MYH13: variants seen among roughly 807,000 people sequenced by gnomAD.
MYH13 encodes myosin heavy chain 13, also known as myosin-13.
A neutral mutation model predicts 232.1 loss-of-function variants in MYH13; 177 were observed. The ratio of observed to expected loss-of-function variants is 0.76; its 90% confidence interval spans 0.67 to 0.86. The LOEUF is 0.86. Among genes scored for constraint, MYH13 ranks in the 40% least tolerant of loss-of-function variants. MYH13 has a pLI of 0.00. For missense variants in MYH13, 2,246 were observed against 2,405.9 expected (o/e 0.93, Z 1.39); for synonymous variants, 884 against 923.5 (o/e 0.96, Z 0.78).
chr17:10,336,822 T>C (rs1013724341), intron 18 of MYH13, among the ~76,000 whole-genome samples: 4 of 152,156 alleles, frequency 2.6e-5, no homozygotes, highest in African/African-American at 9.7e-5. Context: ...CTCGAGGCTC[T>C]GGCCTGTGAT....
At chr17:10,316,127 AAAAAT>A in intron 27 of MYH13, 102 bp from the exon 28 acceptor site, 1 of 1,408,688 alleles carries the variant, frequency 7.1e-7, no homozygotes, top group East Asian at 2.4e-5. Context: ...CAGGTAAAAT[AAAAAT>A]AAAAGTACAG....
Position 10,303,268 on chromosome 17 carries a change from G to A in MYH13, c.5595C>T (p.Ile1865=), listed in dbSNP as rs1356069263. 2 of 1,613,774 alleles carry A rather than the reference G, an allele frequency of 1.2e-6. No individual in the cohort carries two copies. Among genetic ancestry groups the A allele is most frequent in the Non-Finnish European group, 8.5e-7 (1 of 1,179,826 alleles). ...TGTCCACCAGGTCCTGGAGCCTAAG[G>A]ATATTCTTGTGGTCCTCCTCAGCCT... is the stretch of plus-strand genomic sequence containing the variant. ...TYQAEEDHKN[I]LRLQDLVDKL... Residue 1865 remains isoleucine, a synonymous_variant, in exon 39 of 41, where the codon ATC becomes ATT. Transcript: ENST00000252172.
In MYH13 at chr17:10,320,446, C is replaced by G. The variant is rs376532213; in HGVS notation, c.3162G>C (p.Arg1054Ser). ...QEKKLRADLE[R>S]AKRKLEGDLK... The stretch of plus-strand genomic sequence containing the variant: ...GATCTCCTTCCAGCTTCCTCTTCGC[C>G]CTTTCCAAGTCCGCCCGCAGTTTCT... Residue 1054 changes from arginine to serine, a missense_variant, in exon 25 of 41, where the codon AGG becomes AGC. Arg to Ser is a moderately radical substitution (Grantham distance 110). Coordinates refer to ENST00000252172, the MANE Select transcript of MYH13 (RefSeq NM_003802.3). The G allele has an allele frequency of 2.9e-5, 47 of 1,613,468 alleles. No homozygotes were observed. The highest frequency in any genetic ancestry group is 3.4e-5 in the Non-Finnish European group (40 of 1,179,772).
intron 22 of MYH13, 95 bp downstream of exon 22, chr17:10,327,769 GTC>G: frequency 1.4e-6 from 2 of 1,475,770 alleles, no homozygotes; most frequent in Non-Finnish European, 9.2e-7. Context: ...TGGCACCACT[GTC>G]TCTCGAATAG....
rs1245928240 is a variant in MYH13, at chr17:10,346,722, C to T, written c.1221G>A (p.Lys407=). 2.5e-6 allele frequency: 4 copies of T among 1,613,984 alleles called. No homozygotes were observed. Among genetic ancestry groups the T allele is most frequent in the Non-Finnish European group, 3.4e-6 (4 of 1,179,864 alleles). ...CTTTAGTGACATATTCATTGCCAAC[C>T]TTCACCCTTGGACAGCACAGGCCCT... ...MLKGLCCPRV[K]VGNEYVTKGQ... is the part of the protein sequence containing the mutation. The change falls in exon 13 of 41, where the codon AAG becomes AAA. Residue 407 remains lysine, a synonymous_variant. Coordinates refer to ENST00000252172, the MANE Select transcript of MYH13 (RefSeq NM_003802.3).
In MYH13 at chr17:10,311,989, G is replaced by T; in HGVS notation, c.4453C>A (p.Leu1485Ile). 1.2e-6 allele frequency: 2 copies of T among 1,614,012 alleles called. No homozygotes were observed. Among genetic ancestry groups the T allele is most frequent in the Non-Finnish European group, 1.7e-6 (2 of 1,179,902 alleles). Residue 1485 changes from leucine to isoleucine, a missense_variant, in exon 32 of 41, where the codon CTC becomes ATC. Coordinates refer to ENST00000252172, the MANE Select transcript of MYH13 (RefSeq NM_003802.3). ...TCATAGGCATTCCTCATCTTGAAGA[G>T]TTCAGTGCTGAGTGACCTGGACTCC... Reference protein sequence around the residue: ...QKESRSLSTELFKMRNAYEEV... With the variant: ...QKESRSLSTEIFKMRNAYEEV...
chr17:10,331,155 C>T (rs770937403), intron 20 of MYH13, among the ~76,000 whole-genome samples: 3 of 152,172 alleles, frequency 2.0e-5, no homozygotes, highest in African/African-American at 4.8e-5. Flanking sequence ...AACCATGGGA[C>T]GCAATTGTGC....
chr17:10,320,810 G>A (rs1004658495), intron 24 of MYH13, among the ~76,000 whole-genome samples: 3 of 152,252 alleles, frequency 2.0e-5, no homozygotes, highest in African/African-American at 7.2e-5. Context: ...CTCTTGCACA[G>A]ACAATACAAA....
intron 2 of MYH13, among the ~76,000 whole-genome samples, chr17:10,369,098 G>A (rs2071859695): frequency 6.6e-6 from 1 of 152,070 alleles, no homozygotes; most frequent in South Asian, 2.1e-4. Flanking sequence ...ATATTTGTAT[G>A]CTTATTTTAA....
At chr17:10,350,445 A>T in intron 12 of MYH13, 111 bp downstream of exon 12, 1 of 1,460,216 alleles carries the variant, frequency 6.8e-7, no homozygotes, top group Non-Finnish European at 9.2e-7. Context: ...GATTTGATTT[A>T]TGCAGTTTTG....
At chr17:10,343,243 G>C (rs2071633567) in intron 16 of MYH13, among the ~76,000 whole-genome samples, 1 of 151,774 alleles carries the variant, frequency 6.6e-6, no homozygotes, top group Non-Finnish European at 1.5e-5. Context: ...TGTCACCCAG[G>C]CTGGAGGGCA....
At chr17:10,361,656 A>T (rs1375121636) in intron 5 of MYH13, among the ~76,000 whole-genome samples, 1 of 152,128 alleles carries the variant, frequency 6.6e-6, no homozygotes, top group African/African-American at 2.4e-5. Flanking sequence ...GACAGACTTG[A>T]TATTAGGCAT....
In MYH13 at chr17:10,367,441, C is replaced by T. The variant is rs186325424; in HGVS notation, c.-12-2899G>A. On this transcript the variant is annotated intron_variant, in intron 2 of 40. Transcript: ENST00000252172. ...TCAGCTCACTGCAACCTCCACCTCC[C>T]GGGTTCAAGTGATTCTCCTGCCTCA... Among the ~76,000 whole-genome samples the T allele has an allele frequency of 1.6e-4, 24 of 152,202 alleles. 1 individual carries two copies. The East Asian group carries it at 3.5e-3, about 22-fold the overall frequency.
Position 10,301,667 on chromosome 17 carries a change from T to G in MYH13, c.5704A>C (p.Arg1902=). The G allele has an allele frequency of 1.2e-6, 2 of 1,614,078 alleles. No individual in the cohort carries two copies. The highest frequency in any genetic ancestry group is 1.1e-5 in the South Asian group (1 of 91,080). Reference sequence around the variant, plus strand: ...GCCTCCTCTAGCTCATGCTGGACTCTCCGGCATCTGGACAGCTGCGTGTTG... The same window carrying G: ...GCCTCCTCTAGCTCATGCTGGACTCGCCGGCATCTGGACAGCTGCGTGTTG... ...QANTQLSRCR[R]VQHELEEAAE... is the part of the protein sequence containing the mutation. Residue 1902 remains arginine (R), a synonymous_variant, in exon 40 of 41, where the codon AGA becomes CGA. Coordinates refer to ENST00000252172, the MANE Select transcript of MYH13 (RefSeq NM_003802.3).
intron 8 of MYH13, among the ~76,000 whole-genome samples, chr17:10,356,762 A>G (rs1300746937): frequency 1.3e-5 from 2 of 152,168 alleles, no homozygotes; most frequent in Non-Finnish European, 2.9e-5. Flanking sequence ...TGAAGTTTTA[A>G]TGTACTTTTG....
At chr17:10,353,231 C>CAACTCATGAATCATTCTTTGCACAAATA (rs1329294133) in intron 11 of MYH13, among the ~76,000 whole-genome samples, 1 of 152,158 alleles carries the variant, frequency 6.6e-6, no homozygotes, top group East Asian at 1.9e-4. Flanking sequence ...GAGTGTGGTC[C>CAACTCATGAATCATTCTTTGCACAAATA]AACTCATGAA....
Position 10,327,928 on chromosome 17 carries a change from G to C in MYH13, c.2629C>G (p.Leu877Val), listed in dbSNP as rs780528208. ...LARSEARRKE[L>V]EEKMVSLLQE... ...AGGAGGGAGACCATTTTCTCCTCCA[G>C]CTCCTTCCGGCGAGCCTCAGATCGG... The change falls in exon 22 of 41, where the codon CTG becomes GTG. Residue 877 changes from leucine (L) to valine (V), a missense_variant. Physicochemically the swap from Leu to Val is conservative, Grantham distance 32. Transcript: ENST00000252172. 19 of 1,613,884 alleles carry C rather than the reference G, an allele frequency of 1.2e-5. No individual in the cohort carries two copies. The South Asian group carries it at 1.9e-4, about 16-fold the overall frequency.
chr17:10,369,926 C>A lies in MYH13; in HGVS notation c.-13+1283G>T, dbSNP rs141856286. Among the ~76,000 whole-genome samples, 522 of 152,356 alleles carry A rather than the reference C, an allele frequency of 3.4e-3. 3 individuals carry two copies. The highest frequency in any genetic ancestry group is 0.012 in the African/African-American group (507 of 41,588). On this transcript the variant is annotated intron_variant, in intron 2 of 40. Coordinates refer to ENST00000252172, the MANE Select transcript of MYH13 (RefSeq NM_003802.3). ...ATTTGAACAGCAGAAAGAGTTCAAA[C>A]CTTCCTACGTGACAACTCTTCACCC...
At chr17:10,328,569 A>G (rs1907300408) in intron 21 of MYH13, among the ~76,000 whole-genome samples, 1 of 151,692 alleles carries the variant, frequency 6.6e-6, no homozygotes, top group East Asian at 1.9e-4. Flanking sequence ...ATTTTGCCAT[A>G]TGGGGTTCCT....
Sources: allele counts gnomAD v4.1 joint callset (sites outside exome capture counted in the v4.1 genomes callset), GRCh38; gene constraint gnomAD v4.1.1; transcripts MANE v1.5; gene names NCBI Gene and HGNC (gene_info 2026-07-23, HGNC 2026-07-21).